RP1L1: variants seen among roughly 807,000 people sequenced by gnomAD.
The protein encoded by RP1L1 is RP1 like 1, also known as retinitis pigmentosa 1-like 1 protein.
A neutral mutation model predicts 15.7 loss-of-function variants in RP1L1; 27 were observed. The ratio of observed to expected loss-of-function variants is 1.72; its 90% CI spans 1.27 to 2.38. RP1L1 has a LOEUF of 2.38. RP1L1 is among the 30% of genes most tolerant of loss of function. The probability of loss-of-function intolerance (pLI) is 0.00; values close to 1 mark genes in which losing one functional copy is unlikely to be tolerated. For missense variants in RP1L1, 4,798 were observed against 3,075.9 expected, an observed-to-expected ratio of 1.56 and a Z score of -13.24; for synonymous variants, 1,813 against 1,276.7, an observed-to-expected ratio of 1.42 and a Z score of -8.96.
Position 10,607,308 on chromosome 8 carries a change from C to T in RP1L1, c.6790G>A (p.Glu2264Lys), listed in dbSNP as rs751078960. 1.9e-6 allele frequency: 3 copies of T among 1,614,192 alleles called. No homozygotes were observed. Among genetic ancestry groups the T allele is most frequent in the East Asian group, 4.5e-5 (2 of 44,880 alleles). Residue 2264 changes from glutamate to lysine, a missense_variant, in exon 4 of 4, where the codon GAG (glutamate) becomes AAG (lysine). Coordinates refer to ENST00000382483, the MANE Select transcript of RP1L1 (RefSeq NM_178857.6). ...ACTGGGCTGCTGCTTTCAGAAGCCT[C>T]CTCAGATTGGCCATCTCCTAGACTG... ...QVSLGDGQSE[E>K]ASESSSPVPE...
chr8:10,611,925 C>G lies in RP1L1; in HGVS notation c.2173G>C (p.Gly725Arg). The change falls in exon 4 of 4, where the codon GGC (glycine) becomes CGC (arginine). Residue 725 changes from glycine (G) to arginine (R), a missense_variant. By Grantham distance (125) the Gly-to-Arg change is moderately radical. Transcript: ENST00000382483. ...ASGNLRPPSS[G>R]SLPSQDLLGT... ...AGAAGGTCCTGGGAAGGAAGAGAGCCCGAGGAGGGAGGTCTCAGGTTCCCA... is the reference window on the plus strand; with the variant it reads ...AGAAGGTCCTGGGAAGGAAGAGAGCGCGAGGAGGGAGGTCTCAGGTTCCCA... The G allele has an allele frequency of 6.2e-7, 1 of 1,613,860 alleles. No individual in the cohort carries two copies. Among genetic ancestry groups the G allele is most frequent in the Non-Finnish European group, 8.5e-7 (1 of 1,180,022 alleles).
Position 10,613,229 on chromosome 8 carries a change from C to T in RP1L1, c.869G>A (p.Gly290Asp), listed in dbSNP as rs759988519. 6.2e-7 allele frequency: 1 copy of T among 1,613,150 alleles called. No individual in the cohort carries two copies. The highest frequency in any genetic ancestry group is 8.5e-7 in the Non-Finnish European group (1 of 1,180,014). ...PSNPPVGPAP[G>D]RHPQDTPAQS... Reference sequence around the variant, plus strand: ...AGCTGGCGTGTCCTGAGGGTGCCTGCCAGGAGCAGGGCCCACCGGGGGGTT... The same window carrying T: ...AGCTGGCGTGTCCTGAGGGTGCCTGTCAGGAGCAGGGCCCACCGGGGGGTT... Residue 290 changes from glycine to aspartate, a missense_variant, in exon 4 of 4, where the codon GGC becomes GAC. By Grantham distance (94) the Gly-to-Asp change is moderately conservative. Coordinates refer to ENST00000382483, the MANE Select transcript of RP1L1 (RefSeq NM_178857.6).
intron 1 of RP1L1, among the ~76,000 whole-genome samples, chr8:10,636,330 T>A (rs1317157482): frequency 1.3e-5 from 2 of 152,220 alleles, no homozygotes; most frequent in East Asian, 3.9e-4. Context: ...AAGGAGCCGG[T>A]CTGCAGGCGG....
intron 1 of RP1L1, among the ~76,000 whole-genome samples, chr8:10,638,393 G>A (rs1221218318): frequency 6.6e-6 from 1 of 152,068 alleles, no homozygotes; most frequent in Non-Finnish European, 1.5e-5. Flanking sequence ...ACAGTTTCAT[G>A]TGGGGAAAAA....
At chr8:10,638,477 C>T (rs1798362264) in intron 1 of RP1L1, among the ~76,000 whole-genome samples, 1 of 152,086 alleles carries the variant, frequency 6.6e-6, no homozygotes, top group Non-Finnish European at 1.5e-5. Flanking sequence ...ATTTCTACTT[C>T]AATTGTTTGA....
chr8:10,649,313 G>A (rs1798524988), intron 1 of RP1L1, among the ~76,000 whole-genome samples: 1 of 152,224 alleles, frequency 6.6e-6, no homozygotes, highest in African/African-American at 2.4e-5. Flanking sequence ...CATGTGTCGG[G>A]AGCCTACTCT....
chr8:10,616,658 G>A, intron 2 of RP1L1, 71 bp from the exon 3 acceptor site: 1 of 1,508,460 alleles, frequency 6.6e-7, no homozygotes, highest in Non-Finnish European at 8.9e-7. Flanking sequence ...CCTGGGGGAG[G>A]AAGGATCCAG....
intron 2 of RP1L1, among the ~76,000 whole-genome samples, chr8:10,620,603 T>C (rs776514752): frequency 1.3e-5 from 2 of 151,816 alleles, no homozygotes; most frequent in Non-Finnish European, 2.9e-5. Flanking sequence ...TGAGACTCTG[T>C]CTCAAAAAAA....
rs759806218 is a variant in RP1L1 at position 10,611,322 on chromosome 8, TCTC to T, written c.2773_2775del (p.Glu925del). On this transcript the variant is annotated inframe_deletion, in exon 4 of 4. Transcript: ENST00000382483. ...GGGCCTCCCCCACTCCTCAAGGTCT[TCTC>T]CTCGGACAGCCCCCGAGACCCCGCA... 2 of 1,612,668 alleles carry T rather than the reference TCTC, an allele frequency of 1.2e-6. No individual in the cohort carries two copies. The highest frequency in any genetic ancestry group is 1.3e-5 in the African/African-American group (1 of 75,000).
chr8:10,630,219 C>A (rs1433440169), intron 1 of RP1L1, among the ~76,000 whole-genome samples: 1 of 152,220 alleles, frequency 6.6e-6, no homozygotes, highest in Non-Finnish European at 1.5e-5. Context: ...ATCTTGCCAT[C>A]TTCAGTCCCT....
At chr8:10,652,466 T>G (rs909391711) in intron 1 of RP1L1, among the ~76,000 whole-genome samples, 3 of 152,204 alleles carry the variant, frequency 2.0e-5, no homozygotes, top group Non-Finnish European at 2.9e-5. Context: ...GAATGCGATG[T>G]CATCTAACTC....
At chr8:10,643,787 T>C (rs1798438842) in intron 1 of RP1L1, among the ~76,000 whole-genome samples, 1 of 152,010 alleles carries the variant, frequency 6.6e-6, no homozygotes, top group Admixed American at 6.5e-5. Flanking sequence ...TGGCTACCTC[T>C]CACCTGGGCA....
In RP1L1 at chr8:10,622,743, C is replaced by A. The variant is rs761241198; in HGVS notation, c.459G>T (p.Arg153Ser). 1.4e-5 allele frequency: 22 copies of A among 1,613,992 alleles called. No homozygotes were observed. Among genetic ancestry groups the A allele is most frequent in the Middle Eastern group, 1.6e-4 (1 of 6,084 alleles). Residue 153 changes from arginine (R) to serine (S), a missense_variant, in exon 2 of 4, where the codon AGG becomes AGT. Transcript: ENST00000382483. ...GGTCCATGTTCTTAATCAGCAGTATCCTCCGGGGGGTTTTAAGACTCTTCC... is the reference window on the plus strand; with the variant it reads ...GGTCCATGTTCTTAATCAGCAGTATACTCCGGGGGGTTTTAAGACTCTTCC... ...SSRKSLKTPR[R>S]ILLIKNMDPR...
chr8:10,613,678 T>C (rs530382278), intron 3 of RP1L1, among the ~76,000 whole-genome samples: 1 of 150,034 alleles, frequency 6.7e-6, no homozygotes, highest in African/African-American at 2.4e-5. Context: ...CCCAGCTTCC[T>C]AGCTACTCGG....
At chr8:10,635,195 C>T (rs541666664) in intron 1 of RP1L1, among the ~76,000 whole-genome samples, 145 of 152,286 alleles carry the variant, frequency 9.5e-4, no homozygotes, top group African/African-American at 3.3e-3. Context: ...TTTACCTCCC[C>T]GGGACCTGGC....
intron 3 of RP1L1, 35 bp downstream of exon 3, chr8:10,616,411 C>T: frequency 6.2e-7 from 1 of 1,614,000 alleles, no homozygotes; most frequent in Non-Finnish European, 8.5e-7. Context: ...CCATGCAGTG[C>T]AAATCAGATG....
chr8:10,617,399 C>CAAAAA (rs369885056), intron 2 of RP1L1, among the ~76,000 whole-genome samples: 52 of 82,990 alleles, frequency 6.3e-4, no homozygotes, highest in African/African-American at 2.1e-3. Context: ...TGCTCATTAA[C>CAAAAA]AAAAAAAAAA....
chr8:10,612,533 G>T lies in RP1L1; in HGVS notation c.1565C>A (p.Thr522Lys). The T allele has an allele frequency of 6.2e-7, 1 of 1,610,546 alleles. No individual in the cohort carries two copies. The change falls in exon 4 of 4, where the codon ACA (threonine) becomes AAA (lysine). Residue 522 changes from threonine to lysine, a missense_variant. By Grantham distance (78) the Thr-to-Lys change is moderately conservative. Coordinates refer to ENST00000382483, the MANE Select transcript of RP1L1 (RefSeq NM_178857.6). ...LGGPEQGGRL[T>K]PRARSEEGAS... ...CCCCTCCTCACTCCGGGCCCTCGGT[G>T]TCAGGCGGCCGCCTTGCTCTGGGCC...
At position 10,610,087 on chromosome 8, in the gene RP1L1, C is replaced by A; in HGVS notation, c.4011G>T (p.Gln1337His). ...CTTCTGTTTCTTTAGTTTCCTCTAA[C>A]TGCACCCCCTCTTCTTGCAGCCCTT... The part of the protein sequence containing the change: ...TEEGLQEEGV[Q>H]LEETKETEGE... Residue 1337 changes from glutamine (Q) to histidine (H), a missense_variant, in exon 4 of 4, where the codon CAG becomes CAT. Physicochemically the swap from Gln to His is conservative, Grantham distance 24. Coordinates refer to ENST00000382483, the MANE Select transcript of RP1L1 (RefSeq NM_178857.6). 10 of 1,487,504 alleles carry A rather than the reference C, an allele frequency of 6.7e-6. No homozygotes were observed. The highest frequency in any genetic ancestry group is 5.8e-5 in the East Asian group (2 of 34,774). 92.1% of individuals were successfully genotyped at this position (1,487,504 alleles called of 1,614,324 possible).
Sources: allele counts gnomAD v4.1 joint callset (sites outside exome capture counted in the v4.1 genomes callset), GRCh38; gene constraint gnomAD v4.1.1; transcripts MANE v1.5; gene names NCBI Gene and HGNC (gene_info 2026-07-23, HGNC 2026-07-21).